NCKAP1: variants seen among roughly 807,000 people sequenced by gnomAD.
NCKAP1 encodes NCK associated protein 1.
NCKAP1 carries 21 observed loss-of-function variants against 151.2 expected under a neutral mutation model. That is an observed-to-expected ratio of 0.14 (90% CI 0.10 to 0.20). The LOEUF (loss-of-function observed/expected upper bound fraction) is 0.20. Ranked by LOEUF, NCKAP1 falls within the 10% of genes least tolerant of loss-of-function variation. NCKAP1 has a pLI of 1.00. For missense variants in NCKAP1, 933 were observed against 1,352.1 expected, an observed-to-expected ratio of 0.69 and a Z score of 4.86; for synonymous variants, 484 against 451.8, an observed-to-expected ratio of 1.07 and a Z score of -0.90.
chr2:182,933,208 A>C (rs1327782199), intron 26 of NCKAP1, among the ~76,000 whole-genome samples: 1 of 152,144 alleles, frequency 6.6e-6, no homozygotes, highest in Non-Finnish European at 1.5e-5. Flanking sequence ...GAAAGAGAAA[A>C]GGTTGGTATT....
chr2:182,984,566 TTA>T (rs1553515264), intron 10 of NCKAP1, among the ~76,000 whole-genome samples: 10 of 151,626 alleles, frequency 6.6e-5, no homozygotes, highest in Non-Finnish European at 1.2e-4. Flanking sequence ...CTACATGACC[TTA>T]GGTTCCAACT....
intron 18 of NCKAP1, 150 bp from the exon 19 acceptor site, chr2:182,957,746 C>G: frequency 1.2e-6 from 1 of 839,442 alleles, no homozygotes; most frequent in Non-Finnish European, 1.8e-6. Flanking sequence ...ACAGAGCTTA[C>G]TTAGCTAGCT....
At chr2:182,938,321 T>C (rs1483855870) in intron 24 of NCKAP1, among the ~76,000 whole-genome samples, 1 of 152,106 alleles carries the variant, frequency 6.6e-6, no homozygotes, top group African/African-American at 2.4e-5. Context: ...AAGCTGACAC[T>C]ACATAAAAGA....
chr2:183,022,565 T>A (rs917059386), intron 2 of NCKAP1, among the ~76,000 whole-genome samples: 2 of 152,146 alleles, frequency 1.3e-5, no homozygotes, highest in Non-Finnish European at 2.9e-5. Context: ...AGCAGAAGGA[T>A]CCCTTGAGCC....
chr2:182,912,723 C>T lies in NCKAP1; in HGVS notation c.*12979G>A, dbSNP rs1696414081. The stretch of plus-strand genomic sequence containing the variant: ...ATTTATTACTCCTTCGTCATTGAAA[C>T]TAATACACGCTCTAACCTTTATAGC... On this transcript the variant is annotated 3_prime_UTR_variant, in exon 31 of 31. Transcript: ENST00000361354. The T allele has an allele frequency of 6.6e-6, 1 of 152,186 alleles. No individual in the cohort carries two copies. Among genetic ancestry groups the T allele is most frequent in the Admixed American group, 6.5e-5 (1 of 15,282 alleles). 9.4% of individuals were successfully genotyped at this position (152,186 alleles called of 1,614,324 possible).
At position 182,959,386 on chromosome 2, in the gene NCKAP1, A is replaced by T. The variant is rs534625152; in HGVS notation, c.1882-1790T>A. 2.6e-4 allele frequency among the ~76,000 whole-genome samples: 40 copies of T among 151,986 alleles called. 3 individuals carry two copies. In the South Asian group the frequency reaches 8.1e-3, roughly 31 times the overall value. ...AGAAAGCTCTCAAATGACTATAAGG[A>T]CTCCCACAAGCCGGGCTTCATCCCT... On this transcript the variant is annotated intron_variant, in intron 18 of 30. Coordinates refer to ENST00000361354, the MANE Select transcript of NCKAP1 (RefSeq NM_013436.5).
chr2:182,967,163 T>C (rs1697588657), intron 16 of NCKAP1, 53 bp downstream of exon 16: 11 of 1,499,568 alleles, frequency 7.3e-6, no homozygotes, highest in Middle Eastern at 1.8e-4. Flanking sequence ...TCAAGAAACA[T>C]ATATCGCATA....
chr2:183,029,982 G>A (rs377763694), intron 1 of NCKAP1, among the ~76,000 whole-genome samples: 68 of 152,206 alleles, frequency 4.5e-4, no homozygotes, highest in East Asian at 4.4e-3. Flanking sequence ...GAAAGGAAAG[G>A]AGCTTCTGAA....
At chr2:182,997,357 G>A (rs982106358) in intron 6 of NCKAP1, among the ~76,000 whole-genome samples, 7 of 152,090 alleles carry the variant, frequency 4.6e-5, no homozygotes, top group Non-Finnish European at 8.8e-5. Context: ...ATTAATTTGA[G>A]CTATTTTTAT....
chr2:183,019,277 G>A (rs564412943), intron 2 of NCKAP1, among the ~76,000 whole-genome samples: 21 of 151,994 alleles, frequency 1.4e-4, no homozygotes, highest in African/African-American at 5.1e-4. Context: ...TAACACTATT[G>A]TGCCAGATAA....
At chr2:182,959,813 G>C (rs1264172158) in intron 18 of NCKAP1, among the ~76,000 whole-genome samples, 1 of 152,050 alleles carries the variant, frequency 6.6e-6, no homozygotes, top group East Asian at 1.9e-4. Flanking sequence ...TGTTTGCAGG[G>C]GACATGATTG....
At chr2:183,002,879 T>C (rs1698400404) in intron 4 of NCKAP1, 95 bp downstream of exon 4, 1 of 796,458 alleles carries the variant, frequency 1.3e-6, no homozygotes, top group East Asian at 2.6e-5. Context: ...AAACTTTATA[T>C]GCTAGTTACA....
At chr2:183,011,971 A>G (rs913329256) in intron 2 of NCKAP1, among the ~76,000 whole-genome samples, 2 of 152,132 alleles carry the variant, frequency 1.3e-5, no homozygotes, top group Non-Finnish European at 2.9e-5. Context: ...AAACAAGCTC[A>G]TTGTCTAGTG....
rs779297612 is a variant in NCKAP1, at chr2:182,967,240, TCCA to T, written c.1601_1603del (p.Val534del). The T allele has an allele frequency of 3.1e-6, 5 of 1,609,878 alleles. No homozygotes were observed. In the Admixed American group the frequency reaches 5.1e-5, roughly 16 times the overall value. ...CCAAAATATGGAGAGATCTGATGTT[TCCA>T]CCAACATTTCCACCAAGGAATCTAC... On this transcript the variant is annotated inframe_deletion, in exon 16 of 31. Coordinates refer to ENST00000361354, the MANE Select transcript of NCKAP1 (RefSeq NM_013436.5).
chr2:182,957,393 A>G, intron 19 of NCKAP1, 64 bp downstream of exon 19: 1 of 1,512,356 alleles, frequency 6.6e-7, no homozygotes, highest in Non-Finnish European at 8.9e-7. Context: ...ACTAATGTCA[A>G]TAGAAAAAAA....
chr2:182,987,884 G>T (rs781229894), intron 9 of NCKAP1, among the ~76,000 whole-genome samples: 2 of 152,138 alleles, frequency 1.3e-5, no homozygotes, highest in Non-Finnish European at 2.9e-5. Context: ...AAAGGAGTGG[G>T]GGGGGAGTGG....
At chr2:182,996,658 G>A (rs1178411821) in intron 6 of NCKAP1, among the ~76,000 whole-genome samples, 2 of 152,036 alleles carry the variant, frequency 1.3e-5, no homozygotes, top group Non-Finnish European at 2.9e-5. Context: ...GGGTTTCACC[G>A]TGTTAGCCAG....
At position 183,016,700 on chromosome 2, in the gene NCKAP1, A is replaced by T. The variant is rs541145128; in HGVS notation, c.219+7106T>A. The stretch of plus-strand genomic sequence containing the variant: ...TACATGCCAGTCAAGAGGGATTCAA[A>T]GATGAGTGCGTGGTCCAGGAAGATG... On this transcript the variant is annotated intron_variant, in intron 2 of 30. Transcript: ENST00000361354. 3.9e-5 allele frequency among the ~76,000 whole-genome samples: 6 copies of T among 152,360 alleles called. No homozygotes were observed. In the East Asian group the frequency reaches 7.7e-4, roughly 20 times the overall value.
chr2:182,943,000 A>T (rs2105812565), intron 23 of NCKAP1, among the ~76,000 whole-genome samples: 1 of 152,306 alleles, frequency 6.6e-6, no homozygotes, highest in East Asian at 1.9e-4. Context: ...GTTCACCACT[A>T]TCACACTTCC....
Sources: allele counts gnomAD v4.1 joint callset (sites outside exome capture counted in the v4.1 genomes callset), GRCh38; gene constraint gnomAD v4.1.1; transcripts MANE v1.5; gene names NCBI Gene and HGNC (gene_info 2026-07-23, HGNC 2026-07-21).